The following NCK2 variants were observed in gnomAD, a reference collection of about 807,000 sequenced individuals.
NCK2 encodes the protein cytoplasmic protein NCK2.
Under a neutral mutation model 33.9 loss-of-function variants are expected in NCK2, and 16 were observed. The ratio of observed to expected loss-of-function variants is 0.47; its 90% CI spans 0.32 to 0.72. The LOEUF (loss-of-function observed/expected upper bound fraction) is 0.72, where lower values mean the gene tolerates loss of function less well. NCK2 is among the 30% of genes least tolerant of loss of function. The probability of loss-of-function intolerance (pLI) is 0.03; values close to 1 mark genes in which losing one functional copy is unlikely to be tolerated. For synonymous variants in NCK2, 273 were observed against 239.9 expected (o/e 1.14, Z -1.27); for missense variants, 418 against 537.3 (o/e 0.78, Z 2.19).
intron 3 of NCK2, chr2:105,856,960 A>G (rs925707553): frequency 1.3e-5 from 2 of 151,564 alleles, no homozygotes; most frequent in Admixed American, 6.6e-5. Flanking sequence ...TCCAATTTCT[A>G]CCTTTCACCA....
At chr2:105,820,565 C>T (rs911257439) in intron 2 of NCK2, among the ~76,000 whole-genome samples, 2 of 152,154 alleles carry the variant, frequency 1.3e-5, no homozygotes, top group African/African-American at 2.4e-5. Flanking sequence ...TGGGACCCTG[C>T]GGCTCTGACC....
At chr2:105,800,590 G>A (rs185594560) in intron 1 of NCK2, among the ~76,000 whole-genome samples, 1 of 152,246 alleles carries the variant, frequency 6.6e-6, no homozygotes, top group African/African-American at 2.4e-5. Flanking sequence ...CTGACATGGG[G>A]TTAGTCTCAA....
intron 1 of NCK2, among the ~76,000 whole-genome samples, chr2:105,782,634 T>G (rs1338753936): frequency 6.6e-6 from 1 of 152,220 alleles, no homozygotes; most frequent in African/African-American, 2.4e-5. Context: ...ATGGCTAATT[T>G]AGCTCTCCTC....
intron 2 of NCK2, chr2:105,846,726 G>A (rs186301691): frequency 6.6e-6 from 1 of 152,262 alleles, no homozygotes; most frequent in Admixed American, 6.5e-5. Flanking sequence ...ACTGTTGGTG[G>A]AATTGTAGAT....
At chr2:105,850,120 AAGG>A (rs1677005950) in intron 2 of NCK2, among the ~76,000 whole-genome samples, 1 of 152,194 alleles carries the variant, frequency 6.6e-6, no homozygotes, top group Non-Finnish European at 1.5e-5. Flanking sequence ...ACTGAAATCC[AAGG>A]AGAACATACA....
chr2:105,846,318 C>T (rs538659933), intron 2 of NCK2, among the ~76,000 whole-genome samples: 11 of 152,126 alleles, frequency 7.2e-5, no homozygotes, highest in African/African-American at 2.2e-4. Flanking sequence ...GTCTGCAGAA[C>T]GCTAGTGTGT....
At chr2:105,762,969 C>G (rs999755672) in intron 1 of NCK2, among the ~76,000 whole-genome samples, 1 of 152,142 alleles carries the variant, frequency 6.6e-6, no homozygotes, top group Admixed American at 6.5e-5. Context: ...CCGACGTAGG[C>G]GGATTGCCTG....
intron 2 of NCK2, among the ~76,000 whole-genome samples, chr2:105,835,409 G>GTACATA (rs1676383121): frequency 3.4e-5 from 2 of 59,328 alleles, no homozygotes; most frequent in Admixed American, 2.1e-4. Context: ...ATATATACGT[G>GTACATA]TATATATATA....
chr2:105,892,115 C>CG (rs1310971707), intron 4 of NCK2, among the ~76,000 whole-genome samples: 1 of 151,516 alleles, frequency 6.6e-6, no homozygotes, highest in Non-Finnish European at 1.5e-5. Flanking sequence ...ACCTGGGAGG[C>CG]GCAGGTTGCA....
intron 1 of NCK2, among the ~76,000 whole-genome samples, chr2:105,758,571 G>A (rs1027645289): frequency 5.9e-5 from 9 of 151,546 alleles, no homozygotes; most frequent in Admixed American, 2.6e-4. Context: ...CACCATGCCC[G>A]GCTAATTTTC....
chr2:105,876,836 C>A (rs1022370179), intron 3 of NCK2, among the ~76,000 whole-genome samples: 3 of 152,130 alleles, frequency 2.0e-5, no homozygotes, highest in Non-Finnish European at 2.9e-5. Flanking sequence ...GCCTCTTTAC[C>A]TACAAGGTAA....
chr2:105,824,780 C>G (rs1228729503), intron 2 of NCK2, among the ~76,000 whole-genome samples: 1 of 151,996 alleles, frequency 6.6e-6, no homozygotes, highest in Non-Finnish European at 1.5e-5. Flanking sequence ...GGTGTGTGAA[C>G]TTGGAATTCT....
chr2:105,861,903 T>TCCTCCCTC (rs148839655), intron 3 of NCK2, among the ~76,000 whole-genome samples: 3,676 of 114,090 alleles, frequency 0.032, 47 homozygotes, highest in Middle Eastern at 0.046. Context: ...TGGAATTCTT[T>TCCTCCCTC]CCTCCCTCCC....
intron 3 of NCK2, among the ~76,000 whole-genome samples, chr2:105,858,360 C>G (rs1677373720): frequency 6.6e-6 from 1 of 152,138 alleles, no homozygotes; most frequent in African/African-American, 2.4e-5. Flanking sequence ...AGGTGATCCT[C>G]CCACCTTAGC....
chr2:105,890,563 C>G (rs1187530186), intron 4 of NCK2, among the ~76,000 whole-genome samples: 1 of 152,222 alleles, frequency 6.6e-6, no homozygotes, highest in Non-Finnish European at 1.5e-5. Context: ...GGAGTATGCC[C>G]TGGGCCTCAC....
chr2:105,756,214 A>G (rs12712216), intron 1 of NCK2, among the ~76,000 whole-genome samples: 133,982 of 152,276 alleles, frequency 0.88, 59,060 homozygotes, highest in East Asian at 0.99. Flanking sequence ...CTGTTCCATT[A>G]TTCTTCCTTT....
At chr2:105,844,578 A>C (rs4438503) in intron 2 of NCK2, among the ~76,000 whole-genome samples, 43,576 of 129,932 alleles carry the variant, frequency 0.34, 7,896 homozygotes, top group African/African-American at 0.56. Context: ...AAAAAACAAA[A>C]AAAAAAAAAA....
intron 1 of NCK2, among the ~76,000 whole-genome samples, chr2:105,747,752 T>C (rs554339168): frequency 6.3e-4 from 96 of 152,312 alleles, no homozygotes; most frequent in Middle Eastern, 3.4e-3. Context: ...TTTCCTAAAA[T>C]GAGTGATGGA....
chr2:105,844,770 G>A (rs373557822), intron 2 of NCK2, among the ~76,000 whole-genome samples: 13 of 105,570 alleles, frequency 1.2e-4, no homozygotes, highest in African/African-American at 2.4e-4. Context: ...ATATATATAT[G>A]TATGTATGTA....
Sources: gnomAD v4.1 joint callset for allele counts (sites outside exome capture counted in the v4.1 genomes callset) on GRCh38, gnomAD v4.1.1 for gene constraint, MANE v1.5 for transcripts, NCBI Gene and HGNC (gene_info 2026-07-23, HGNC 2026-07-21) for gene names.